The following PDE10A variants were observed in gnomAD, a reference collection of about 807,000 sequenced individuals.
The protein encoded by PDE10A is phosphodiesterase 10A, also known as cAMP and cAMP-inhibited cGMP 3',5'-cyclic phosphodiesterase 10A.
A neutral mutation model predicts 97.7 loss-of-function variants in PDE10A; 39 were observed. The ratio of observed to expected loss-of-function variants is 0.40; its 90% CI spans 0.31 to 0.52. The LOEUF is 0.52. Ranked by LOEUF, PDE10A falls within the 20% of genes least tolerant of loss-of-function variation. The pLI is 0.56. For synonymous variants in PDE10A, 371 were observed against 376.8 expected (o/e 0.98, Z 0.18); for missense variants, 731 against 1,047.8 (o/e 0.70, Z 4.17).
At chr6:165,909,550 G>A (rs2500482) in intron 1 of PDE10A, among the ~76,000 whole-genome samples, 107,267 of 152,068 alleles carry the variant, frequency 0.71, 38,317 homozygotes, top group East Asian at 0.95. Context: ...TGGGAGTGAC[G>A]TTAACAAGGC....
chr6:165,847,219 T>TG (rs776093341), intron 1 of PDE10A, among the ~76,000 whole-genome samples: 2 of 152,170 alleles, frequency 1.3e-5, no homozygotes, highest in Non-Finnish European at 2.9e-5. Flanking sequence ...CCTGAGGAGT[T>TG]GCGGTTTACA....
At chr6:165,612,146 C>T (rs1337784944) in intron 1 of PDE10A, among the ~76,000 whole-genome samples, 1 of 152,160 alleles carries the variant, frequency 6.6e-6, no homozygotes, top group Non-Finnish European at 1.5e-5. Context: ...TTATCTAGAC[C>T]AAATGAGATA....
intron 1 of PDE10A, among the ~76,000 whole-genome samples, chr6:165,965,358 CA>C (rs986599765): frequency 4.6e-5 from 7 of 152,118 alleles, no homozygotes; most frequent in African/African-American, 1.4e-4. Flanking sequence ...GGGGCAGACA[CA>C]AGGTGAACTG....
At chr6:165,542,210 C>T (rs1003200321) in intron 2 of PDE10A, among the ~76,000 whole-genome samples, 1 of 152,032 alleles carries the variant, frequency 6.6e-6, no homozygotes, top group Non-Finnish European at 1.5e-5. Context: ...GTCAAAAACA[C>T]ATATAAAATT....
intron 1 of PDE10A, among the ~76,000 whole-genome samples, chr6:165,684,480 G>A (rs1791061543): frequency 1.3e-5 from 2 of 152,228 alleles, no homozygotes; most frequent in Admixed American, 6.5e-5. Context: ...CTCCTTTCCT[G>A]TTTGGCAAGC....
chr6:165,693,783 G>C (rs1791371823), intron 1 of PDE10A, among the ~76,000 whole-genome samples: 1 of 152,082 alleles, frequency 6.6e-6, no homozygotes, highest in African/African-American at 2.4e-5. Flanking sequence ...GGGTTCATTT[G>C]TTTTCTGGGG....
At chr6:165,504,144 T>C (rs1339593593) in intron 2 of PDE10A, among the ~76,000 whole-genome samples, 3 of 152,124 alleles carry the variant, frequency 2.0e-5, no homozygotes, top group African/African-American at 7.2e-5. Flanking sequence ...TCCTACCAAG[T>C]AGAGATAGGT....
At chr6:165,688,719 GAGA>G (rs1271473715) in intron 1 of PDE10A, among the ~76,000 whole-genome samples, 1 of 152,220 alleles carries the variant, frequency 6.6e-6, no homozygotes, top group Non-Finnish European at 1.5e-5. Context: ...GGTGAGCAAA[GAGA>G]AGAACAATAT....
intron 1 of PDE10A, among the ~76,000 whole-genome samples, chr6:165,691,434 G>C (rs535180279): frequency 1.3e-5 from 2 of 152,216 alleles, no homozygotes; most frequent in East Asian, 3.9e-4. Context: ...CATAGACCCT[G>C]TGTGTGTAGT....
chr6:165,894,454 A>T (rs1021250219), intron 1 of PDE10A: 3 of 455,882 alleles, frequency 6.6e-6, no homozygotes, highest in Admixed American at 2.4e-5. Context: ...CCAAAAAATC[A>T]ATTGAACAAG....
chr6:165,898,766 G>C (rs904228812), intron 1 of PDE10A, among the ~76,000 whole-genome samples: 1 of 151,986 alleles, frequency 6.6e-6, no homozygotes, highest in Non-Finnish European at 1.5e-5. Context: ...CATGTGGCAT[G>C]GTAGGTCTGG....
intron 1 of PDE10A, among the ~76,000 whole-genome samples, chr6:165,931,555 A>G (rs1783134498): frequency 6.6e-6 from 1 of 152,332 alleles, no homozygotes; most frequent in East Asian, 1.9e-4. Flanking sequence ...GCAGATGTGA[A>G]CATGAAAGAA....
chr6:165,526,496 A>T (rs1782455817), intron 2 of PDE10A, among the ~76,000 whole-genome samples: 1 of 152,188 alleles, frequency 6.6e-6, no homozygotes, highest in South Asian at 2.1e-4. Context: ...CTAGAAAAAT[A>T]GTAAATCAAA....
chr6:165,381,063 T>G (rs551327121), intron 17 of PDE10A, among the ~76,000 whole-genome samples: 1 of 152,340 alleles, frequency 6.6e-6, no homozygotes, highest in South Asian at 2.1e-4. Flanking sequence ...CACCAATAAT[T>G]ATCACCATAA....
intron 1 of PDE10A, among the ~76,000 whole-genome samples, chr6:165,766,407 A>G (rs1777851482): frequency 6.6e-6 from 1 of 152,194 alleles, no homozygotes; most frequent in Non-Finnish European, 1.5e-5. Flanking sequence ...TTAAAGTTTG[A>G]TATGTCTTAT....
intron 1 of PDE10A, among the ~76,000 whole-genome samples, chr6:165,565,513 T>C (rs9356372): frequency 0.072 from 11,012 of 152,204 alleles, 772 homozygotes; most frequent in East Asian, 0.32. Flanking sequence ...GTCAAGATGT[T>C]AGTTCTACAC....
At chr6:165,839,670 T>A (rs1248832874) in intron 1 of PDE10A, among the ~76,000 whole-genome samples, 1 of 152,054 alleles carries the variant, frequency 6.6e-6, no homozygotes, top group Admixed American at 6.5e-5. Flanking sequence ...CCCATTTCCA[T>A]CCTGATGTCC....
chr6:165,397,585 T>C, intron 13 of PDE10A, among the ~76,000 whole-genome samples: 1 of 151,144 alleles, frequency 6.6e-6, no homozygotes, highest in African/African-American at 2.4e-5. Context: ...CGCCTGTATC[T>C]CAGCTACTTG....
At chr6:165,840,763 G>A (rs1780238077) in intron 1 of PDE10A, among the ~76,000 whole-genome samples, 1 of 152,006 alleles carries the variant, frequency 6.6e-6, no homozygotes, top group Non-Finnish European at 1.5e-5. Flanking sequence ...AAAAGATAAA[G>A]TAAAGGACCA....
Sources: allele counts gnomAD v4.1 joint callset (sites outside exome capture counted in the v4.1 genomes callset), GRCh38; gene constraint gnomAD v4.1.1; transcripts MANE v1.5; gene names NCBI Gene and HGNC (gene_info 2026-07-23, HGNC 2026-07-21).